SOS2: variants seen among roughly 807,000 people sequenced by gnomAD.
SOS2 encodes the protein son of sevenless homolog 2.
In SOS2, 65 loss-of-function variants were observed where a neutral mutation model predicts 148.2. The observed-to-expected ratio is 0.44, with a 90% CI of 0.36 to 0.54. The LOEUF (loss-of-function observed/expected upper bound fraction) is 0.54. Among genes scored for constraint, SOS2 ranks in the 20% least tolerant of loss-of-function variants. SOS2 has a pLI of 0.00. For synonymous variants in SOS2, 539 were observed against 537.1 expected (o/e 1.00, Z -0.05); for missense variants, 1,341 against 1,590.2 (o/e 0.84, Z 2.67).
At position 50,153,107 on chromosome 14, in the gene SOS2, C is replaced by G; in HGVS notation, c.2124G>C (p.Leu708Phe). 1 of 1,600,230 alleles carries G rather than the reference C, an allele frequency of 6.2e-7. No homozygotes were observed. Among genetic ancestry groups the G allele is most frequent in the Non-Finnish European group, 8.6e-7 (1 of 1,168,712 alleles). Reference sequence around the variant, plus strand: ...AAATGAAGGATTCTAGTCTTTCAAGCAATTCCAAGTCTCTTTCAAAGTCAT... The same window carrying G: ...AAATGAAGGATTCTAGTCTTTCAAGGAATTCCAAGTCTCTTTCAAAGTCAT... ...HFYDFERDLE[L>F]LERLESFISS... Residue 708 changes from leucine (L) to phenylalanine (F), a missense_variant, in exon 13 of 23, where the codon TTG (leucine) becomes TTC (phenylalanine). Transcript: ENST00000216373.
At position 50,140,740 on chromosome 14, in the gene SOS2, G is replaced by GA. The variant is rs753131002; in HGVS notation, c.2668-682dup. 1.9e-4 allele frequency among the ~76,000 whole-genome samples: 28 copies of GA among 150,358 alleles called. No homozygotes were observed. In the East Asian group the frequency reaches 3.1e-3, roughly 17 times the overall value. ...GAAATAAAGAGCTAGAGATTGGAAA[G>GA]AAAAAAAAATGTCACTATTCACACA... On this transcript the variant is annotated intron_variant, in intron 16 of 22. Coordinates refer to ENST00000216373, the MANE Select transcript of SOS2 (RefSeq NM_006939.4).
At chr14:50,171,423 C>A (rs896898613) in intron 8 of SOS2, among the ~76,000 whole-genome samples, 1 of 151,776 alleles carries the variant, frequency 6.6e-6, no homozygotes, top group African/African-American at 2.4e-5. Context: ...CGGTGGCTCA[C>A]CCCTGTAATC....
In SOS2 at chr14:50,224,303, AAAT is replaced by A. The variant is rs1465868056; in HGVS notation, c.87+6891_87+6893del. 2.8e-3 allele frequency among the ~76,000 whole-genome samples: 200 copies of A among 72,544 alleles called. 9 individuals carry two copies. Among genetic ancestry groups the A allele is most frequent in the Admixed American group, 8.1e-3 (38 of 4,682 alleles). 47.6% of individuals were successfully genotyped at this position (72,544 alleles called of 152,430 possible). A position where few individuals can be genotyped will look rare whatever the true frequency, so the allele number is the denominator to read the frequency against. On this transcript the variant is annotated intron_variant, in intron 1 of 22. Coordinates refer to ENST00000216373, the MANE Select transcript of SOS2 (RefSeq NM_006939.4). ...AAGACTCCGTCTCAGGAAAAAAAAA[AAAT>A]ATATATATACACACACACACACACA...
intron 1 of SOS2, among the ~76,000 whole-genome samples, chr14:50,216,100 TG>T (rs1887033243): frequency 7.3e-5 from 4 of 54,506 alleles, no homozygotes; most frequent in Admixed American, 5.0e-4. Context: ...GGGTTTTTTT[TG>T]TTTTTTTTTT....
chr14:50,187,097 A>G (rs528318272), intron 5 of SOS2, among the ~76,000 whole-genome samples: 1 of 148,866 alleles, frequency 6.7e-6, no homozygotes, highest in Non-Finnish European at 1.5e-5. Flanking sequence ...CTATAGTCTC[A>G]AATTCCTGGC....
Position 50,137,989 on chromosome 14 carries a change from G to A in SOS2, c.2958+623C>T, listed in dbSNP as rs190325672. ...CAAGTAGCTGGGATTACAGGCACCC[G>A]CCACCATGCCCGGCTAATTTTTTGT... is the stretch of plus-strand genomic sequence containing the variant. On this transcript the variant is annotated intron_variant, in intron 18 of 22. Coordinates refer to ENST00000216373, the MANE Select transcript of SOS2 (RefSeq NM_006939.4). 3.1e-3 allele frequency among the ~76,000 whole-genome samples: 462 copies of A among 150,930 alleles called. 3 individuals are homozygous for A. Among genetic ancestry groups the A allele is most frequent in the African/African-American group, 0.01 (427 of 41,020 alleles).
At chr14:50,187,176 A>G (rs1885939623) in intron 5 of SOS2, among the ~76,000 whole-genome samples, 1 of 151,916 alleles carries the variant, frequency 6.6e-6, no homozygotes, top group Non-Finnish European at 1.5e-5. Context: ...ATGCCCAGCT[A>G]AATTTTAAAT....
In SOS2 at chr14:50,145,237, T is replaced by C. The variant is rs561495878; in HGVS notation, c.2600A>G (p.Asn867Ser). 152 of 1,611,374 alleles carry C rather than the reference T, an allele frequency of 9.4e-5. No homozygotes were observed. The highest frequency in any genetic ancestry group is 4.0e-4 in the East Asian group (18 of 44,790). Residue 867 changes from asparagine to serine, a missense_variant, in exon 16 of 23, where the codon AAT becomes AGT. Transcript: ENST00000216373. Reference sequence around the variant, plus strand: ...TGCACTGACTATCTCCAATACGCCATTGAAATTATTCAAATCTTGAAAAAC... The same window carrying C: ...TGCACTGACTATCTCCAATACGCCACTGAAATTATTCAAATCTTGAAAAAC... ...LQVFQDLNNF[N>S]GVLEIVSAVN...
At chr14:50,175,428 CTTTTTTTTTTTT>C (rs71441277) in intron 7 of SOS2, among the ~76,000 whole-genome samples, 3,108 of 119,868 alleles carry the variant, frequency 0.026, 95 homozygotes, top group Non-Finnish European at 0.03. Flanking sequence ...AGGAGTAATA[CTTTTTTTTTTTT>C]TTTTTTTTTT....
intron 8 of SOS2, among the ~76,000 whole-genome samples, chr14:50,165,687 G>A (rs1354570949): frequency 6.6e-6 from 1 of 152,156 alleles, no homozygotes; most frequent in Non-Finnish European, 1.5e-5. Flanking sequence ...CCTGCATGTG[G>A]TAGGTATCCA....
At chr14:50,143,552 C>G (rs1566824938) in intron 16 of SOS2, among the ~76,000 whole-genome samples, 1 of 152,098 alleles carries the variant, frequency 6.6e-6, no homozygotes, top group African/African-American at 2.4e-5. Flanking sequence ...ATACCCCTGC[C>G]TCAGCCTCCT....
intron 1 of SOS2, among the ~76,000 whole-genome samples, chr14:50,227,822 T>C (rs1055442215): frequency 1.3e-5 from 2 of 152,152 alleles, no homozygotes; most frequent in Admixed American, 1.3e-4. Flanking sequence ...GTCAAATACA[T>C]ATATATATGG....
intron 6 of SOS2, among the ~76,000 whole-genome samples, chr14:50,181,223 C>T (rs551183203): frequency 2.0e-5 from 3 of 151,972 alleles, no homozygotes; most frequent in Admixed American, 1.3e-4. Flanking sequence ...CCGAGGCGGA[C>T]GGATCATGAG....
intron 1 of SOS2, among the ~76,000 whole-genome samples, chr14:50,211,032 GAT>G (rs4028229): frequency 1.3e-5 from 2 of 149,284 alleles, no homozygotes; most frequent in Non-Finnish European, 1.5e-5. Context: ...TCCACTATAG[GAT>G]ATATATATAT....
intron 4 of SOS2, among the ~76,000 whole-genome samples, chr14:50,197,141 C>T (rs1318144200): frequency 7.2e-5 from 11 of 152,136 alleles, no homozygotes; most frequent in Non-Finnish European, 1.5e-4. Flanking sequence ...GCATGAGCCA[C>T]GGTGCCTGGC....
At chr14:50,224,734 A>C (rs1161947455) in intron 1 of SOS2, among the ~76,000 whole-genome samples, 1 of 151,960 alleles carries the variant, frequency 6.6e-6, no homozygotes, top group African/African-American at 2.4e-5. Flanking sequence ...AAAAATAAGA[A>C]AATTAGCTGG....
At chr14:50,132,660 C>CA (rs998604271) in intron 19 of SOS2, among the ~76,000 whole-genome samples, 33 of 150,780 alleles carry the variant, frequency 2.2e-4, no homozygotes, top group East Asian at 7.8e-4. Context: ...GACTCTGTCT[C>CA]AAAAAAAACA....
At position 50,157,152 on chromosome 14, in the gene SOS2, G is replaced by C. The variant is rs73283422; in HGVS notation, c.1935-31C>G. On this transcript the variant is annotated intron_variant, in intron 11 of 22. Coordinates refer to ENST00000216373, the MANE Select transcript of SOS2 (RefSeq NM_006939.4). Reference sequence around the variant, plus strand: ...AAGAAAAGCAAAAGGAGAAAAATCCGTTCATACATAATGAAAATACAAGGA... The same window carrying C: ...AAGAAAAGCAAAAGGAGAAAAATCCCTTCATACATAATGAAAATACAAGGA... 4 of 1,595,212 alleles carry C rather than the reference G, an allele frequency of 2.5e-6. No homozygotes were observed. In the African/African-American group the frequency reaches 5.4e-5, roughly 22 times the overall value.
chr14:50,122,330 A>G (rs1355232196), intron 21 of SOS2, among the ~76,000 whole-genome samples: 3 of 151,664 alleles, frequency 2.0e-5, no homozygotes, highest in Non-Finnish European at 2.9e-5. Flanking sequence ...TTGAGGGAAA[A>G]CAGCTTTAAA....
Sources: allele counts gnomAD v4.1 joint callset (sites outside exome capture counted in the v4.1 genomes callset), GRCh38; gene constraint gnomAD v4.1.1; transcripts MANE v1.5; gene names NCBI Gene and HGNC (gene_info 2026-07-23, HGNC 2026-07-21).